RALYL: variants seen among roughly 807,000 people sequenced by gnomAD.
The protein encoded by RALYL is RNA-binding Raly-like protein.
Under a neutral mutation model 35.1 loss-of-function variants are expected in RALYL, and 29 were observed. That is an observed-to-expected ratio of 0.83 (90% CI 0.61 to 1.13). RALYL has a LOEUF of 1.13. Ranked by LOEUF, RALYL falls within the 50% of genes most tolerant of loss-of-function variation. RALYL has a pLI of 0.00. For missense variants in RALYL, 359 were observed against 360.4 expected, an observed-to-expected ratio of 1.00 and a Z score of 0.03; for synonymous variants, 120 against 127.6, an observed-to-expected ratio of 0.94 and a Z score of 0.40.
chr8:84,272,676 A>G (rs1252029800), intron 1 of RALYL, among the ~76,000 whole-genome samples: 2 of 152,210 alleles, frequency 1.3e-5, no homozygotes, highest in Non-Finnish European at 2.9e-5. Context: ...ATCAGTCATA[A>G]TGAAATACCT....
At chr8:84,267,657 A>G (rs1833581100) in intron 1 of RALYL, among the ~76,000 whole-genome samples, 1 of 152,198 alleles carries the variant, frequency 6.6e-6, no homozygotes, top group Admixed American at 6.5e-5. Flanking sequence ...TGCTACCAAG[A>G]AAGCCACACC....
intron 1 of RALYL, among the ~76,000 whole-genome samples, chr8:84,338,008 T>G (rs1290207073): frequency 6.6e-6 from 1 of 152,014 alleles, no homozygotes; most frequent in Non-Finnish European, 1.5e-5. Context: ...AAGGAAAAAC[T>G]AAGACTGTAC....
At chr8:84,801,393 G>GGAA (rs1490107000) in intron 3 of RALYL, among the ~76,000 whole-genome samples, 3 of 152,202 alleles carry the variant, frequency 2.0e-5, no homozygotes, top group Middle Eastern at 3.4e-3. Flanking sequence ...CAAAACTGTT[G>GGAA]GAAGTCTCTT....
intron 2 of RALYL, among the ~76,000 whole-genome samples, chr8:84,534,214 G>C (rs919257164): frequency 2.6e-5 from 4 of 152,212 alleles, no homozygotes; most frequent in African/African-American, 9.6e-5. Flanking sequence ...TCGCCCAACA[G>C]GGCCTGTGCA....
chr8:84,645,545 A>C (rs925170468), intron 2 of RALYL, among the ~76,000 whole-genome samples: 1 of 151,620 alleles, frequency 6.6e-6, no homozygotes, highest in Non-Finnish European at 1.5e-5. Context: ...TTTAAGTTTT[A>C]TTTTTGTGAG....
intron 1 of RALYL, among the ~76,000 whole-genome samples, chr8:84,202,767 G>C (rs1334803947): frequency 6.6e-6 from 1 of 152,062 alleles, no homozygotes; most frequent in Non-Finnish European, 1.5e-5. Context: ...ATTTTGTACA[G>C]TATTTTCCTG....
At chr8:84,350,850 C>T (rs71522958) in intron 1 of RALYL, among the ~76,000 whole-genome samples, 1 of 149,964 alleles carries the variant, frequency 6.7e-6, no homozygotes, top group African/African-American at 2.5e-5. Context: ...GAGTTGCTTT[C>T]TATGCTCCGA....
chr8:84,556,079 G>A (rs2061096443), intron 2 of RALYL, among the ~76,000 whole-genome samples: 1 of 152,158 alleles, frequency 6.6e-6, no homozygotes, highest in Non-Finnish European at 1.5e-5. Flanking sequence ...ACATTTGCAG[G>A]AACAGTGTGA....
At chr8:84,853,648 AT>A (rs974232226) in intron 5 of RALYL, among the ~76,000 whole-genome samples, 3 of 152,162 alleles carry the variant, frequency 2.0e-5, no homozygotes, top group Non-Finnish European at 4.4e-5. Context: ...TTTATTTTCC[AT>A]TTTTGGCACT....
intron 1 of RALYL, among the ~76,000 whole-genome samples, chr8:84,512,543 C>T (rs1026378575): frequency 1.3e-5 from 2 of 151,964 alleles, no homozygotes; most frequent in South Asian, 4.1e-4. Context: ...TAATATAGTC[C>T]CATTTGTCTA....
intron 2 of RALYL, among the ~76,000 whole-genome samples, chr8:84,699,803 G>A (rs780470518): frequency 6.6e-6 from 1 of 152,066 alleles, no homozygotes; most frequent in Non-Finnish European, 1.5e-5. Context: ...GCTATCATCC[G>A]AAAAGAGACC....
intron 1 of RALYL, among the ~76,000 whole-genome samples, chr8:84,381,521 T>C (rs1646795176): frequency 6.6e-6 from 1 of 151,908 alleles, no homozygotes; most frequent in Non-Finnish European, 1.5e-5. Context: ...TTTTCTACCA[T>C]TTTCATATTT....
At chr8:84,724,119 G>A (rs10108862) in intron 2 of RALYL, among the ~76,000 whole-genome samples, 10,172 of 151,770 alleles carry the variant, frequency 0.067, 788 homozygotes, top group African/African-American at 0.19. Context: ...ATTCAGTAAT[G>A]AAACATGAAG....
chr8:84,470,976 C>A (rs1015505625), intron 1 of RALYL, among the ~76,000 whole-genome samples: 1 of 152,142 alleles, frequency 6.6e-6, no homozygotes, highest in African/African-American at 2.4e-5. Flanking sequence ...CAAATTGGAA[C>A]CTGTTATATA....
intron 2 of RALYL, among the ~76,000 whole-genome samples, chr8:84,589,390 G>A (rs1812728225): frequency 6.6e-6 from 1 of 152,060 alleles, no homozygotes; most frequent in Admixed American, 6.6e-5. Flanking sequence ...TAATTTCCAG[G>A]TAATTAACTT....
intron 2 of RALYL, among the ~76,000 whole-genome samples, chr8:84,589,155 C>A (rs1177495834): frequency 6.6e-6 from 1 of 152,204 alleles, no homozygotes; most frequent in Non-Finnish European, 1.5e-5. Flanking sequence ...GCCTCGGCCT[C>A]CCAAAGCGCC....
At chr8:84,336,691 A>T (rs1262778156) in intron 1 of RALYL, among the ~76,000 whole-genome samples, 1 of 152,226 alleles carries the variant, frequency 6.6e-6, no homozygotes, top group Non-Finnish European at 1.5e-5. Flanking sequence ...AGAAGTTCCA[A>T]AGAAACAAGC....
At chr8:84,577,222 G>T (rs148328767) in intron 2 of RALYL, among the ~76,000 whole-genome samples, 2,596 of 152,316 alleles carry the variant, frequency 0.017, 89 homozygotes, top group African/African-American at 0.059. Flanking sequence ...TTTTAGTCAG[G>T]CTGACACTAT....
chr8:84,764,626 G>C (rs985304846), intron 2 of RALYL, among the ~76,000 whole-genome samples: 2 of 152,120 alleles, frequency 1.3e-5, no homozygotes, highest in Non-Finnish European at 2.9e-5. Flanking sequence ...TAACAAATGG[G>C]AATCTGGCCA....
Sources: gnomAD v4.1 joint callset for allele counts (sites outside exome capture counted in the v4.1 genomes callset) on GRCh38, gnomAD v4.1.1 for gene constraint, MANE v1.5 for transcripts, NCBI Gene and HGNC (gene_info 2026-07-23, HGNC 2026-07-21) for gene names.